Variants in ACACA observed in about 807,000 individuals in gnomAD.
ACACA encodes the protein acetyl-CoA carboxylase 1.
Under a neutral mutation model 296.1 loss-of-function variants are expected in ACACA, and 103 were observed. The ratio of observed to expected loss-of-function variants is 0.35; its 90% CI spans 0.30 to 0.41. The LOEUF is 0.41. Among genes scored for constraint, ACACA ranks in the 10% least tolerant of loss-of-function variants. The pLI is 1.00. For synonymous variants in ACACA, 953 were observed against 1,038.6 expected (o/e 0.92, Z 1.58); for missense variants, 1,554 against 2,989.7 (o/e 0.52, Z 11.20).
chr17:37,136,080 T>C (rs1298459856), intron 45 of ACACA, among the ~76,000 whole-genome samples: 3 of 144,716 alleles, frequency 2.1e-5, no homozygotes, highest in Admixed American at 6.8e-5. Flanking sequence ...GTCTGGTTTA[T>C]TGAAGTATAA....
At chr17:37,179,566 T>G (rs1315692969) in intron 40 of ACACA, among the ~76,000 whole-genome samples, 160 bp from the exon 41 acceptor site, 4 of 152,230 alleles carry the variant, frequency 2.6e-5, no homozygotes, top group Non-Finnish European at 5.9e-5. Flanking sequence ...TCAGTTAAAA[T>G]AGATTTGTAA....
At chr17:37,192,774 T>C (rs970184533) in intron 36 of ACACA, among the ~76,000 whole-genome samples, 6 of 152,136 alleles carry the variant, frequency 3.9e-5, no homozygotes, top group African/African-American at 7.2e-5. Context: ...AGAAACATCA[T>C]ACAATTTTTT....
chr17:37,164,310 C>T (rs2076581415), intron 41 of ACACA, among the ~76,000 whole-genome samples: 1 of 152,206 alleles, frequency 6.6e-6, no homozygotes, highest in South Asian at 2.1e-4. Flanking sequence ...GGCCAGTGAT[C>T]ATAAGCTCTG....
At chr17:37,121,313 G>C in intron 50 of ACACA, 42 bp downstream of exon 50, 1 of 1,613,516 alleles carries the variant, frequency 6.2e-7, no homozygotes, top group Non-Finnish European at 8.5e-7. Context: ...AGAGTGCCCA[G>C]TAATCAGTGA....
At chr17:37,205,742 C>G in intron 33 of ACACA, 23 bp downstream of exon 33, 1 of 1,584,326 alleles carries the variant, frequency 6.3e-7, no homozygotes, top group Non-Finnish European at 8.7e-7. Flanking sequence ...ACATCACGAG[C>G]TTCCACCCAA....
chr17:37,270,376 T>C (rs1208738465), intron 10 of ACACA, among the ~76,000 whole-genome samples: 1 of 152,140 alleles, frequency 6.6e-6, no homozygotes, highest in Non-Finnish European at 1.5e-5. Context: ...CCATATCACA[T>C]ATGACCTACA....
chr17:37,204,347 C>T (rs1232767207), intron 33 of ACACA, among the ~76,000 whole-genome samples: 3 of 152,096 alleles, frequency 2.0e-5, no homozygotes, highest in South Asian at 4.1e-4. Flanking sequence ...AGATCTGTGC[C>T]CCCTATACCT....
intron 3 of ACACA, among the ~76,000 whole-genome samples, chr17:37,297,365 C>T (rs940681161): frequency 8.8e-5 from 13 of 148,034 alleles, no homozygotes; most frequent in African/African-American, 1.5e-4. Flanking sequence ...CGCTTGAACC[C>T]GGGAGGCAGA....
intron 2 of ACACA, among the ~76,000 whole-genome samples, chr17:37,337,434 A>C (rs1167601073): frequency 7.0e-6 from 1 of 143,492 alleles, no homozygotes; most frequent in Admixed American, 7.1e-5. Context: ...AAAAAAAAAG[A>C]AAAGTAAAGA....
At chr17:37,399,973 A>G (rs1300157767) in intron 1 of ACACA, among the ~76,000 whole-genome samples, 1 of 152,162 alleles carries the variant, frequency 6.6e-6, no homozygotes, top group African/African-American at 2.4e-5. Context: ...AGATGTACTC[A>G]TTGTGGAATG....
intron 26 of ACACA, 95 bp downstream of exon 26, chr17:37,226,244 C>A: frequency 1.1e-6 from 1 of 934,280 alleles, no homozygotes; most frequent in Non-Finnish European, 1.8e-6. Context: ...ATAACATGTT[C>A]TTTGTAAAGT....
In ACACA at chr17:37,263,910, G is replaced by T. The variant is rs1169255053; in HGVS notation, c.1120-16C>A. The T allele has an allele frequency of 6.2e-7, 1 of 1,602,110 alleles. No homozygotes were observed. The highest frequency in any genetic ancestry group is 8.5e-7 in the Non-Finnish European group (1 of 1,173,544). The stretch of plus-strand genomic sequence containing the variant: ...CAGCTTGAACCTGTATTAGAAAAGG[G>T]GGAAAAAAAAAACCAATTCTTAAAT... On this transcript the variant is annotated splice_polypyrimidine_tract_variant and intron_variant, in intron 10 of 55. Coordinates refer to ENST00000616317, the MANE Select transcript of ACACA (RefSeq NM_198834.3).
intron 1 of ACACA, among the ~76,000 whole-genome samples, chr17:37,341,348 T>C (rs2048363117): frequency 6.6e-6 from 1 of 152,158 alleles, no homozygotes; most frequent in East Asian, 1.9e-4. Context: ...GTTTCAGTTA[T>C]ATATAGGTCA....
chr17:37,127,954 G>C (rs2074883284), intron 47 of ACACA, among the ~76,000 whole-genome samples: 1 of 148,086 alleles, frequency 6.8e-6, no homozygotes, highest in Non-Finnish European at 1.5e-5. Flanking sequence ...GTAAGTGGAG[G>C]CGGAGGTTGC....
At chr17:37,238,297 T>G (rs2080214080) in intron 24 of ACACA, among the ~76,000 whole-genome samples, 2 of 149,822 alleles carry the variant, frequency 1.3e-5, no homozygotes, top group South Asian at 2.2e-4. Flanking sequence ...TTTTTTTTTT[T>G]TTAAATGAAT....
rs201453579 is a variant in ACACA at position 37,358,077 on chromosome 17, C to CT, written c.39-18228dup. On this transcript the variant is annotated intron_variant, in intron 1 of 55. Coordinates refer to ENST00000616317, the MANE Select transcript of ACACA (RefSeq NM_198834.3). ...AAACAGAATCAGGAAGGCCTAGGGTCTTTTTTTTTATTCCAGTCTTAAACC... is the reference window on the plus strand; with the variant it reads ...AAACAGAATCAGGAAGGCCTAGGGTCTTTTTTTTTTATTCCAGTCTTAAACC... 8.6e-5 allele frequency among the ~76,000 whole-genome samples: 13 copies of CT among 151,620 alleles called. No individual in the cohort carries two copies. The East Asian group carries it at 1.5e-3, about 18-fold the overall frequency.
chr17:37,137,376 G>C (rs2075377256), intron 45 of ACACA, among the ~76,000 whole-genome samples: 1 of 152,082 alleles, frequency 6.6e-6, no homozygotes, highest in African/African-American at 2.4e-5. Flanking sequence ...TTTGGTTTGT[G>C]TTTTCTCATT....
chr17:37,213,082 C>T (rs1486864331), intron 29 of ACACA, among the ~76,000 whole-genome samples: 1 of 151,920 alleles, frequency 6.6e-6, no homozygotes, highest in African/African-American at 2.4e-5. Flanking sequence ...CTTTGGGAGA[C>T]TGAGGTGGGT....
At chr17:37,239,489 A>C (rs2080284540) in intron 24 of ACACA, among the ~76,000 whole-genome samples, 2 of 152,168 alleles carry the variant, frequency 1.3e-5, no homozygotes, top group Admixed American at 1.3e-4. Flanking sequence ...ATAATGCATG[A>C]TGTATCCTGC....
Sources: allele counts gnomAD v4.1 joint callset (sites outside exome capture counted in the v4.1 genomes callset), GRCh38; gene constraint gnomAD v4.1.1; transcripts MANE v1.5; gene names NCBI Gene and HGNC (gene_info 2026-07-23, HGNC 2026-07-21).